The following SFRP1 variants were observed in gnomAD, a reference collection of about 807,000 sequenced individuals.
SFRP1 encodes the protein secreted frizzled related protein 1, also known as secreted frizzled-related protein 1.
A neutral mutation model predicts 25.9 loss-of-function variants in SFRP1; 9 were observed. That is an observed-to-expected ratio of 0.35 (90% confidence interval 0.21 to 0.61). SFRP1 has a LOEUF of 0.61. SFRP1 is among the 20% of genes least tolerant of loss of function. The pLI, the probability that SFRP1 is intolerant of heterozygous loss-of-function variation, is 0.78. For missense variants in SFRP1, 346 were observed against 418.2 expected, an observed-to-expected ratio of 0.83 and a Z score of 1.51; for synonymous variants, 178 against 174.0, an observed-to-expected ratio of 1.02 and a Z score of -0.18.
intron 2 of SFRP1, 31 bp downstream of exon 2, chr8:41,303,430 C>T (rs1803953362): frequency 1.3e-6 from 2 of 1,574,746 alleles, no homozygotes; most frequent in Non-Finnish European, 1.7e-6. Context: ...GGTTCCAAAC[C>T]TTCCAGAGGC....
intron 2 of SFRP1, among the ~76,000 whole-genome samples, chr8:41,278,731 G>GA (rs1803599995): frequency 6.6e-6 from 1 of 152,174 alleles, no homozygotes; most frequent in African/African-American, 2.4e-5. Context: ...GACAGCCCCG[G>GA]AAAAACACCT....
intron 2 of SFRP1, among the ~76,000 whole-genome samples, chr8:41,275,693 G>A (rs1349726518): frequency 2.6e-5 from 4 of 151,578 alleles, no homozygotes; most frequent in Non-Finnish European, 2.9e-5. Flanking sequence ...TAGTAGAGAC[G>A]GGGTTTCACC....
chr8:41,286,889 C>T (rs554546480), intron 2 of SFRP1, among the ~76,000 whole-genome samples: 1 of 152,324 alleles, frequency 6.6e-6, no homozygotes, highest in South Asian at 2.1e-4. Context: ...TGGAGAGAAG[C>T]CAGTGGCCAG....
intron 2 of SFRP1, among the ~76,000 whole-genome samples, chr8:41,294,019 T>C (rs1234499381): frequency 1.3e-5 from 2 of 151,508 alleles, no homozygotes; most frequent in East Asian, 1.9e-4. Context: ...ATTACAGGCA[T>C]GAGCCACCAT....
chr8:41,287,694 T>C (rs530952142), intron 2 of SFRP1, among the ~76,000 whole-genome samples: 1 of 152,318 alleles, frequency 6.6e-6, no homozygotes, highest in African/African-American at 2.4e-5. Context: ...ACCTCTGAAG[T>C]TCTTTTTAAG....
intron 1 of SFRP1, among the ~76,000 whole-genome samples, chr8:41,306,182 C>G (rs1271486016): frequency 1.3e-5 from 2 of 152,100 alleles, no homozygotes; most frequent in Non-Finnish European, 1.5e-5. Flanking sequence ...GGAAAAATGT[C>G]AAGTCATTTC....
At chr8:41,292,535 C>A (rs1482914084) in intron 2 of SFRP1, among the ~76,000 whole-genome samples, 1 of 152,184 alleles carries the variant, frequency 6.6e-6, no homozygotes, top group Non-Finnish European at 1.5e-5. Flanking sequence ...ACCTGTGAGT[C>A]AATTAAACCT....
chr8:41,281,363 C>G (rs1803633580), intron 2 of SFRP1, among the ~76,000 whole-genome samples: 1 of 152,222 alleles, frequency 6.6e-6, no homozygotes. Flanking sequence ...AGTGCAGTGC[C>G]CCTCACTCCC....
At chr8:41,285,644 A>G (rs1803690245) in intron 2 of SFRP1, among the ~76,000 whole-genome samples, 2 of 152,266 alleles carry the variant, frequency 1.3e-5, no homozygotes, top group Middle Eastern at 6.8e-3. Context: ...GACCACAGTC[A>G]GATACAACAG....
intron 2 of SFRP1, among the ~76,000 whole-genome samples, chr8:41,279,816 G>A (rs141134278): frequency 1.1e-3 from 171 of 149,690 alleles, no homozygotes; most frequent in African/African-American, 3.9e-3. Context: ...CTTCATCCTC[G>A]CCATCACATG....
intron 2 of SFRP1, among the ~76,000 whole-genome samples, chr8:41,302,763 C>T (rs1001629459): frequency 6.6e-6 from 1 of 152,100 alleles, no homozygotes; most frequent in Non-Finnish European, 1.5e-5. Flanking sequence ...CTGGAAGGCC[C>T]CAAGGCCCCT....
At chr8:41,269,419 G>C (rs776389924) in intron 2 of SFRP1, among the ~76,000 whole-genome samples, 1 of 152,038 alleles carries the variant, frequency 6.6e-6, no homozygotes, top group African/African-American at 2.4e-5. Context: ...GGTCTTTCTC[G>C]GGAAATCTTA....
At chr8:41,281,823 C>T (rs1338906910) in intron 2 of SFRP1, among the ~76,000 whole-genome samples, 3 of 152,190 alleles carry the variant, frequency 2.0e-5, no homozygotes, top group Non-Finnish European at 4.4e-5. Flanking sequence ...ATCTAGGATC[C>T]CCTCCCAACC....
chr8:41,275,218 TTA>T (rs1278155415), intron 2 of SFRP1: 6 of 450,496 alleles, frequency 1.3e-5, no homozygotes, highest in South Asian at 9.4e-5. Flanking sequence ...ACCCAGAGCT[TTA>T]TGATTCATAC....
At chr8:41,278,569 C>T (rs556920508) in intron 2 of SFRP1, among the ~76,000 whole-genome samples, 22 of 152,290 alleles carry the variant, frequency 1.4e-4, no homozygotes, top group Admixed American at 1.0e-3. Flanking sequence ...AAGCCCAGAC[C>T]GCACAATGGG....
intron 2 of SFRP1, among the ~76,000 whole-genome samples, chr8:41,293,742 T>TGGGGGTTTTGTG (rs1803806269): frequency 1.3e-5 from 2 of 151,994 alleles, no homozygotes; most frequent in Non-Finnish European, 2.9e-5. Flanking sequence ...ACCAGATTCT[T>TGGGGGTTTTGTG]GGGGGTTTTG....
At chr8:41,300,700 C>T (rs1488022536) in intron 2 of SFRP1, among the ~76,000 whole-genome samples, 1 of 152,132 alleles carries the variant, frequency 6.6e-6, no homozygotes. Context: ...CTCGCAAATA[C>T]TATATTGGGC....
intron 2 of SFRP1, among the ~76,000 whole-genome samples, chr8:41,272,861 C>T (rs999070029): frequency 2.6e-5 from 4 of 152,154 alleles, no homozygotes; most frequent in African/African-American, 9.7e-5. Flanking sequence ...GGTTAAACAA[C>T]ACCCAGCTCA....
At chr8:41,308,548 G>C (rs1804027126) in intron 1 of SFRP1, 68 bp downstream of exon 1, 9 of 1,317,168 alleles carry the variant, frequency 6.8e-6, no homozygotes, top group African/African-American at 5.9e-5. Flanking sequence ...GGGTGGCGCG[G>C]GTTCTCCTGC....
Sources: allele counts gnomAD v4.1 joint callset (sites outside exome capture counted in the v4.1 genomes callset), GRCh38; gene constraint gnomAD v4.1.1; transcripts MANE v1.5; gene names NCBI Gene and HGNC (gene_info 2026-07-23, HGNC 2026-07-21).